The following NBEA variants were observed in gnomAD, a reference collection of about 807,000 sequenced individuals.
The protein encoded by NBEA is lysosomal-trafficking regulator 2.
A neutral mutation model predicts 343.4 loss-of-function variants in NBEA; 44 were observed. The ratio of observed to expected loss-of-function variants is 0.13; its 90% confidence interval spans 0.10 to 0.16. The LOEUF (loss-of-function observed/expected upper bound fraction) is 0.16. Ranked by LOEUF, NBEA falls within the 10% of genes least tolerant of loss-of-function variation. The pLI, the probability that NBEA is intolerant of heterozygous loss-of-function variation, is 1.00. For synonymous variants in NBEA, 1,175 were observed against 1,238.7 expected (o/e 0.95, Z 1.08); for missense variants, 2,555 against 3,631.3 (o/e 0.70, Z 7.62).
At position 35,475,645 on chromosome 13, in the gene NBEA, C is replaced by T. The variant is rs201564874; in HGVS notation, c.6585+3109C>T. On this transcript the variant is annotated intron_variant, in intron 41 of 58. Coordinates refer to ENST00000379939, the MANE Select transcript of NBEA (RefSeq NM_001385012.1). ...GGCCGGCGTGATCTGCACCACGTAC[C>T]TATCTCGGATTCTCAGTTTCACTTC... 6 of 1,613,930 alleles carry T rather than the reference C, an allele frequency of 3.7e-6. No homozygotes were observed. In the East Asian group the frequency reaches 1.1e-4, roughly 30 times the overall value.
chr13:35,246,916 GC>G (rs1425819277), intron 34 of NBEA, among the ~76,000 whole-genome samples: 6 of 152,218 alleles, frequency 3.9e-5, no homozygotes, highest in African/African-American at 1.4e-4. Context: ...TCAGGTGGGG[GC>G]AGGGTTAGGC....
chr13:35,582,941 A>C (rs905328622), intron 45 of NBEA, among the ~76,000 whole-genome samples: 1 of 152,210 alleles, frequency 6.6e-6, no homozygotes, highest in Non-Finnish European at 1.5e-5. Context: ...GGATCTTCAT[A>C]GTTAATTATA....
intron 41 of NBEA, among the ~76,000 whole-genome samples, chr13:35,502,437 T>C (rs2152981299): frequency 6.6e-6 from 1 of 152,062 alleles, no homozygotes; most frequent in South Asian, 2.1e-4. Flanking sequence ...GTTACATTTA[T>C]GGACAGGAAT....
chr13:35,135,488 G>A (rs1324998401), intron 17 of NBEA, among the ~76,000 whole-genome samples: 6 of 152,110 alleles, frequency 3.9e-5, no homozygotes, highest in Non-Finnish European at 7.4e-5. Context: ...GAGCTATGCT[G>A]TGTACATTAA....
intron 10 of NBEA, among the ~76,000 whole-genome samples, chr13:35,082,033 C>T (rs1178916559): frequency 2.0e-5 from 3 of 152,116 alleles, no homozygotes; most frequent in African/African-American, 7.2e-5. Flanking sequence ...CGTCATTTAA[C>T]ATTAGGTATA....
chr13:35,587,345 A>C (rs1299145250), intron 46 of NBEA, among the ~76,000 whole-genome samples: 1 of 152,166 alleles, frequency 6.6e-6, no homozygotes, highest in African/African-American at 2.4e-5. Context: ...TCTCAAGGGG[A>C]CCACCAAAAC....
intron 38 of NBEA, among the ~76,000 whole-genome samples, chr13:35,383,907 T>A (rs2042119036): frequency 6.6e-6 from 1 of 151,908 alleles, no homozygotes; most frequent in African/African-American, 2.4e-5. Flanking sequence ...TTAAGGTAAA[T>A]GTATAGTTTC....
intron 10 of NBEA, among the ~76,000 whole-genome samples, chr13:35,079,807 A>C (rs1035861784): frequency 1.3e-4 from 20 of 152,258 alleles, no homozygotes; most frequent in Middle Eastern, 3.4e-3. Flanking sequence ...CTCACTACTA[A>C]GCTATTCCAA....
At chr13:35,340,231 G>A (rs1296841321) in intron 36 of NBEA, among the ~76,000 whole-genome samples, 1 of 152,064 alleles carries the variant, frequency 6.6e-6, no homozygotes, top group Non-Finnish European at 1.5e-5. Context: ...CAACCAAAAT[G>A]CCCATTGACA....
intron 24 of NBEA, chr13:35,165,160 T>C (rs2069898376): frequency 7.5e-6 from 4 of 530,836 alleles, no homozygotes; most frequent in African/African-American, 3.9e-5. Context: ...GAGGGAAATA[T>C]TTCATTTTAC....
intron 1 of NBEA, among the ~76,000 whole-genome samples, chr13:34,946,641 T>C (rs2059192864): frequency 6.6e-6 from 1 of 151,682 alleles, no homozygotes. Context: ...TAGTTTTTTT[T>C]CATGAGTTAC....
chr13:35,582,134 A>C (rs945629468), intron 45 of NBEA, among the ~76,000 whole-genome samples: 1 of 151,890 alleles, frequency 6.6e-6, no homozygotes, highest in Non-Finnish European at 1.5e-5. Flanking sequence ...AAAATACAAA[A>C]AATTAGCTGG....
At chr13:35,408,824 G>C in intron 38 of NBEA, among the ~76,000 whole-genome samples, 1 of 152,062 alleles carries the variant, frequency 6.6e-6, no homozygotes, top group Non-Finnish European at 1.5e-5. Context: ...GTCAGAATAT[G>C]GCTATAATTA....
At position 35,670,969 on chromosome 13, in the gene NBEA, A is replaced by C; in HGVS notation, c.8882A>C (p.Tyr2961Ser). 6.3e-7 allele frequency: 1 copy of C among 1,583,026 alleles called. No individual in the cohort carries two copies. Among genetic ancestry groups the C allele is most frequent in the Non-Finnish European group, 8.6e-7 (1 of 1,163,118 alleles). The change falls in exon 59 of 59, where the codon TAT becomes TCT. Residue 2961 changes from tyrosine to serine, a missense_variant. Tyr to Ser is a moderately radical substitution (Grantham distance 144, BLOSUM62 -2). Around this residue, in one of 21 missense-constraint regions of NBEA, gnomAD observed 186 missense variants for 328.9 expected, o/e 0.57. Coordinates refer to ENST00000379939, the MANE Select transcript of NBEA (RefSeq NM_001385012.1). Reference sequence around the variant, plus strand: ...AATATAGATTTTAATCGGTGGCATTATGAGCATCAGAACAGATACTGAAGA... The same window carrying C: ...AATATAGATTTTAATCGGTGGCATTCTGAGCATCAGAACAGATACTGAAGA... ...AFNIDFNRWH[Y>S]EHQNRY
At chr13:35,441,562 G>GT (rs2045738456) in intron 39 of NBEA, among the ~76,000 whole-genome samples, 1 of 151,936 alleles carries the variant, frequency 6.6e-6, no homozygotes, top group Non-Finnish European at 1.5e-5. Flanking sequence ...CTTCTTGCTG[G>GT]TTCCTTCCCC....
intron 39 of NBEA, among the ~76,000 whole-genome samples, chr13:35,450,753 A>G (rs577553513): frequency 6.6e-6 from 1 of 152,316 alleles, no homozygotes; most frequent in East Asian, 1.9e-4. Flanking sequence ...ACATTTTCCT[A>G]GTTAATGCTG....
At chr13:35,134,345 G>A (rs1339559932) in intron 17 of NBEA, among the ~76,000 whole-genome samples, 1 of 151,486 alleles carries the variant, frequency 6.6e-6, no homozygotes, top group Non-Finnish European at 1.5e-5. Flanking sequence ...TATACTTCAT[G>A]GCTAAAGAAG....
intron 1 of NBEA, among the ~76,000 whole-genome samples, chr13:34,988,016 T>G (rs1369577920): frequency 6.6e-6 from 1 of 151,196 alleles, no homozygotes; most frequent in Admixed American, 6.6e-5. Flanking sequence ...AAAGTCATTC[T>G]CCATGCAGCT....
intron 38 of NBEA, among the ~76,000 whole-genome samples, chr13:35,394,493 A>G (rs2042649788): frequency 6.6e-6 from 1 of 152,192 alleles, no homozygotes; most frequent in African/African-American, 2.4e-5. Flanking sequence ...TCCAAATCAA[A>G]TAAAAAGTGG....
Sources: allele counts gnomAD v4.1 joint callset (sites outside exome capture counted in the v4.1 genomes callset), GRCh38; gene constraint gnomAD v4.1.1; regional missense constraint gnomAD v4.1.1; transcripts MANE v1.5; gene names NCBI Gene and HGNC (gene_info 2026-07-23, HGNC 2026-07-21).